The following SLC39A12 variants were observed in gnomAD, a reference collection of about 807,000 sequenced individuals.
SLC39A12 encodes the protein zinc transporter ZIP12.
A neutral mutation model predicts 71.1 loss-of-function variants in SLC39A12; 63 were observed. The observed-to-expected ratio is 0.89, with a 90% confidence interval of 0.72 to 1.09. The LOEUF is 1.09. Among genes scored for constraint, SLC39A12 ranks in the 50% least tolerant of loss-of-function variants. SLC39A12 has a pLI of 0.00. For synonymous variants in SLC39A12, 351 were observed against 301.3 expected (o/e 1.16, Z -1.71); for missense variants, 892 against 812.6 (o/e 1.10, Z -1.19).
chr10:17,981,619 A>G, intron 6 of SLC39A12, 136 bp downstream of exon 6: 1 of 662,398 alleles, frequency 1.5e-6, no homozygotes. Flanking sequence ...TCCTCCTAAC[A>G]ATGCTACAAG....
intron 11 of SLC39A12, chr10:18,002,381 C>A (rs1462226168): frequency 6.6e-5 from 10 of 152,278 alleles, no homozygotes; most frequent in African/African-American, 2.4e-4. Context: ...TGGAAGCCAT[C>A]CCCTATCTGT....
intron 5 of SLC39A12, among the ~76,000 whole-genome samples, 192 bp downstream of exon 5, chr10:17,978,266 G>A (rs1262936416): frequency 6.6e-6 from 1 of 152,118 alleles, no homozygotes; most frequent in African/African-American, 2.4e-5. Flanking sequence ...TAAAAACAAA[G>A]CCAAGGTATA....
intron 10 of SLC39A12, among the ~76,000 whole-genome samples, chr10:17,996,201 C>G (rs1835679131): frequency 6.6e-6 from 1 of 152,154 alleles, no homozygotes. Context: ...ACATCTTATT[C>G]TATAACTCAT....
chr10:17,970,674 T>TG (rs1834946541), intron 4 of SLC39A12, among the ~76,000 whole-genome samples: 1 of 145,422 alleles, frequency 6.9e-6, no homozygotes, highest in Non-Finnish European at 1.5e-5. Flanking sequence ...TTCTAATAGT[T>TG]TGTGTGTGTG....
intron 12 of SLC39A12, among the ~76,000 whole-genome samples, chr10:18,040,452 G>A (rs956468568): frequency 6.6e-6 from 1 of 151,946 alleles, no homozygotes; most frequent in Non-Finnish European, 1.5e-5. Flanking sequence ...AGCATTCAGG[G>A]TGCTCCTCTC....
chr10:18,013,459 C>A (rs1836290691), intron 12 of SLC39A12, among the ~76,000 whole-genome samples: 1 of 151,524 alleles, frequency 6.6e-6, no homozygotes, highest in African/African-American at 2.4e-5. Flanking sequence ...GCTTGATCTC[C>A]TAGGATCAAG....
chr10:17,960,607 G>A (rs1448524907), intron 2 of SLC39A12, among the ~76,000 whole-genome samples: 1 of 152,210 alleles, frequency 6.6e-6, no homozygotes, highest in Non-Finnish European at 1.5e-5. Context: ...TGGACCACAG[G>A]TTCTCATAGA....
At chr10:17,979,753 G>C (rs922876568) in intron 5 of SLC39A12, among the ~76,000 whole-genome samples, 6 of 152,292 alleles carry the variant, frequency 3.9e-5, no homozygotes, top group East Asian at 1.9e-4. Context: ...ACCCATGTTT[G>C]AACAGCTTTA....
At chr10:18,032,577 C>G (rs1836880272) in intron 12 of SLC39A12, among the ~76,000 whole-genome samples, 1 of 147,362 alleles carries the variant, frequency 6.8e-6, no homozygotes, top group South Asian at 2.2e-4. Flanking sequence ...TCTAGATATA[C>G]AATCATGTCA....
intron 2 of SLC39A12, among the ~76,000 whole-genome samples, chr10:17,958,123 G>T (rs782262611): frequency 1.3e-5 from 2 of 152,144 alleles, no homozygotes; most frequent in Non-Finnish European, 2.9e-5. Flanking sequence ...CCTGCTCTCT[G>T]CTGTTCCGTG....
At chr10:18,029,625 A>G (rs909773168) in intron 12 of SLC39A12, among the ~76,000 whole-genome samples, 1 of 152,128 alleles carries the variant, frequency 6.6e-6, no homozygotes, top group African/African-American at 2.4e-5. Flanking sequence ...CCTTTATGTC[A>G]TTGTTAATAT....
chr10:18,041,773 ATATG>A (rs1264775628), intron 12 of SLC39A12, among the ~76,000 whole-genome samples: 2 of 143,198 alleles, frequency 1.4e-5, no homozygotes, highest in African/African-American at 5.2e-5. Flanking sequence ...ATATGTATAC[ATATG>A]TATATACATA....
chr10:17,974,395 T>C lies in SLC39A12; in HGVS notation c.752-3507T>C, dbSNP rs112458783. Among the ~76,000 whole-genome samples, 1,256 of 152,344 alleles carry C rather than the reference T, an allele frequency of 8.2e-3. 19 individuals carry two copies. Among genetic ancestry groups the C allele is most frequent in the African/African-American group, 0.026 (1,100 of 41,578 alleles). ...CATCACTGTCTGGGCTTGTTTGTAC[T>C]CACTGTTCTTGGGAAGGCTTTCCAG... is the stretch of plus-strand genomic sequence containing the variant. On this transcript the variant is annotated intron_variant, in intron 4 of 12. Transcript: ENST00000377369.
intron 4 of SLC39A12, among the ~76,000 whole-genome samples, chr10:17,967,776 A>G (rs1471201345): frequency 6.6e-6 from 1 of 150,766 alleles, no homozygotes; most frequent in Non-Finnish European, 1.5e-5. Flanking sequence ...AGTCCCAGCT[A>G]CTCGGGAGGC....
chr10:17,960,036 G>C (rs764375807), intron 2 of SLC39A12, among the ~76,000 whole-genome samples: 2 of 152,192 alleles, frequency 1.3e-5, no homozygotes, highest in Non-Finnish European at 2.9e-5. Context: ...GTTAGACCCA[G>C]GGGTTTATAT....
At chr10:17,967,481 T>C (rs1344561597) in intron 4 of SLC39A12, among the ~76,000 whole-genome samples, 3 of 152,236 alleles carry the variant, frequency 2.0e-5, no homozygotes, top group African/African-American at 7.2e-5. Flanking sequence ...CTTCATCTTA[T>C]TGAGGTTCTT....
chr10:18,003,290 C>A lies in SLC39A12; in HGVS notation c.1879C>A (p.Pro627Thr). 1.9e-6 allele frequency: 3 copies of A among 1,614,050 alleles called. No homozygotes were observed. Among genetic ancestry groups the A allele is most frequent in the Non-Finnish European group, 2.5e-6 (3 of 1,180,000 alleles). The part of the protein sequence containing the change: ...LYIGLSVSAD[P>T]CVQDWIFTVT... ...CATTGGCCTTTCCGTGTCAGCTGAT[C>A]CATGTGTTCAAGACTGGATCTTCAC... Residue 627 changes from proline (P) to threonine (T), a missense_variant, in exon 12 of 13, where the codon CCA (proline) becomes ACA (threonine). Pro to Thr is a conservative substitution (Grantham distance 38, BLOSUM62 -1). Transcript: ENST00000377369.
chr10:17,982,725 G>A (rs1031638414), intron 6 of SLC39A12, among the ~76,000 whole-genome samples: 6 of 117,462 alleles, frequency 5.1e-5, no homozygotes, highest in East Asian at 3.3e-4. Flanking sequence ...GCATCCCTGG[G>A]CAGTTTACAT....
At chr10:17,991,058 A>G in intron 7 of SLC39A12, 93 bp from the exon 8 acceptor site, 1 of 1,208,002 alleles carries the variant, frequency 8.3e-7, no homozygotes, top group Non-Finnish European at 1.1e-6. Flanking sequence ...AAAATTAAAT[A>G]TATTCAACAC....
Sources: gnomAD v4.1 joint callset for allele counts (sites outside exome capture counted in the v4.1 genomes callset) on GRCh38, gnomAD v4.1.1 for gene constraint, MANE v1.5 for transcripts, NCBI Gene and HGNC (gene_info 2026-07-23, HGNC 2026-07-21) for gene names.